FOXP1: variants seen among roughly 807,000 people sequenced by gnomAD.
FOXP1 encodes the protein forkhead box P1.
A neutral mutation model predicts 98.2 loss-of-function variants in FOXP1; 15 were observed. The ratio of observed to expected loss-of-function variants is 0.15; its 90% confidence interval spans 0.10 to 0.24. The LOEUF is 0.24. FOXP1 is among the 10% of genes least tolerant of loss of function. The pLI is 1.00. For missense variants in FOXP1, 633 were observed against 848.5 expected, an observed-to-expected ratio of 0.75 and a Z score of 3.15; for synonymous variants, 371 against 314.5, an observed-to-expected ratio of 1.18 and a Z score of -1.90.
intron 12 of FOXP1, among the ~76,000 whole-genome samples, chr3:71,011,240 TC>T (rs2043562212): frequency 1.3e-5 from 2 of 152,096 alleles, no homozygotes; most frequent in South Asian, 4.1e-4. Context: ...AACTTTCTCA[TC>T]CCCAGCCCCC....
At chr3:71,279,531 C>CAAAA (rs2071288906) in intron 5 of FOXP1, among the ~76,000 whole-genome samples, 1 of 152,142 alleles carries the variant, frequency 6.6e-6, no homozygotes, top group Non-Finnish European at 1.5e-5. Context: ...CAAGAAAAAA[C>CAAAA]TAGTCAGCCC....
chr3:71,490,987 A>T (rs748438125), intron 3 of FOXP1, among the ~76,000 whole-genome samples: 8 of 152,028 alleles, frequency 5.3e-5, no homozygotes, highest in Non-Finnish European at 1.0e-4. Flanking sequence ...TCTCAACTCT[A>T]CCTGAATTCC....
chr3:71,558,802 C>CTT (rs35405702), intron 2 of FOXP1, among the ~76,000 whole-genome samples: 6,871 of 117,426 alleles, frequency 0.059, 349 homozygotes, highest in Middle Eastern at 0.097. Context: ...CCGATTCTCA[C>CTT]TTTTTTTTTT....
intron 11 of FOXP1, among the ~76,000 whole-genome samples, chr3:71,017,004 G>C (rs571231424): frequency 6.1e-5 from 9 of 147,604 alleles, no homozygotes; most frequent in East Asian, 3.9e-4. Context: ...ATAGGTCTTA[G>C]AATAAAAAAA....
intron 3 of FOXP1, among the ~76,000 whole-genome samples, chr3:71,438,454 C>T (rs1018759364): frequency 1.4e-4 from 21 of 152,158 alleles, no homozygotes; most frequent in African/African-American, 4.6e-4. Flanking sequence ...ATTATCTCGG[C>T]TGACTCTCCA....
chr3:70,959,230 T>A lies in FOXP1; in HGVS notation c.*17A>T, dbSNP rs2106853190. On this transcript the variant is annotated 3_prime_UTR_variant, in exon 21 of 21. Transcript: ENST00000649528. ...CTTTTTCCAATCTTCATTCTCGGGG[T>A]TGGCCCGCCCCGATAGTCACTCCAT... is the stretch of plus-strand genomic sequence containing the variant. 1 of 1,611,186 alleles carries A rather than the reference T, an allele frequency of 6.2e-7. No individual in the cohort carries two copies. The highest frequency in any genetic ancestry group is 8.5e-7 in the Non-Finnish European group (1 of 1,178,326).
At position 70,955,717 on chromosome 3, in the gene FOXP1, A is replaced by AT. The variant is rs923809339; in HGVS notation, c.*3529dup. 50 of 231,506 alleles carry AT rather than the reference A, an allele frequency of 2.2e-4. No homozygotes were observed. Among genetic ancestry groups the AT allele is most frequent in the Admixed American group, 3.4e-4 (6 of 17,630 alleles). 14.3% of individuals were successfully genotyped at this position (231,506 alleles called of 1,614,324 possible). A position where few individuals can be genotyped will look rare whatever the true frequency, so the allele number is the denominator to read the frequency against. On this transcript the variant is annotated 3_prime_UTR_variant, in exon 21 of 21. Coordinates refer to ENST00000649528, the MANE Select transcript of FOXP1 (RefSeq NM_001349338.3). Reference sequence around the variant, plus strand: ...CAGGAGAAAACATTTTTTAAACAACATTTTTTTTTCTTTTCAAATGTATGA... The same window carrying AT: ...CAGGAGAAAACATTTTTTAAACAACATTTTTTTTTTCTTTTCAAATGTATGA...
chr3:71,434,706 G>A (rs2085069490), intron 3 of FOXP1, among the ~76,000 whole-genome samples: 1 of 149,568 alleles, frequency 6.7e-6, no homozygotes, highest in South Asian at 2.1e-4. Context: ...AGACTTAAAT[G>A]GTGTAGAGTA....
chr3:71,066,341 A>G (rs2107357522), intron 7 of FOXP1, among the ~76,000 whole-genome samples: 1 of 152,334 alleles, frequency 6.6e-6, no homozygotes, highest in Non-Finnish European at 1.5e-5. Context: ...CAGATGTTAA[A>G]TGGGCACAGC....
At chr3:71,187,334 C>T (rs2062708368) in intron 6 of FOXP1, among the ~76,000 whole-genome samples, 1 of 152,108 alleles carries the variant, frequency 6.6e-6, no homozygotes, top group Non-Finnish European at 1.5e-5. Context: ...ACCTATAATC[C>T]CAGCACTTTG....
chr3:71,574,677 A>T (rs1027474759), intron 2 of FOXP1, among the ~76,000 whole-genome samples: 1 of 152,204 alleles, frequency 6.6e-6, no homozygotes, highest in African/African-American at 2.4e-5. Context: ...TTAAGATGGA[A>T]TACTCAGAAA....
intron 4 of FOXP1, among the ~76,000 whole-genome samples, chr3:71,331,342 C>A (rs2076285682): frequency 6.6e-6 from 1 of 152,182 alleles, no homozygotes; most frequent in Non-Finnish European, 1.5e-5. Context: ...GGGCTTAGGA[C>A]CTGCAGCCTT....
intron 6 of FOXP1, among the ~76,000 whole-genome samples, chr3:71,142,258 A>T (rs1169591358): frequency 6.6e-6 from 1 of 152,190 alleles, no homozygotes; most frequent in East Asian, 1.9e-4. Flanking sequence ...TTGTAATGTC[A>T]TGTGGTTGGC....
intron 13 of FOXP1, among the ~76,000 whole-genome samples, chr3:70,990,854 A>G (rs1316721124): frequency 2.0e-5 from 3 of 152,200 alleles, no homozygotes; most frequent in Middle Eastern, 3.2e-3. Context: ...GGACACAACA[A>G]TCACACTGTG....
At chr3:70,983,505 T>C (rs1010593262) in intron 14 of FOXP1, among the ~76,000 whole-genome samples, 54 of 152,246 alleles carry the variant, frequency 3.5e-4, no homozygotes, top group African/African-American at 1.1e-3. Context: ...CTAATGGCTA[T>C]GGTTAGAGGA....
rs1415591226 is a variant in FOXP1 at position 70,958,400 on chromosome 3, C to CT, written c.*846dup. ...ATGTGTAGAGTGCAGCATTTGGGACCTTTTTGAAAAAGACCAAAACGGAAT... is the reference window on the plus strand; with the variant it reads ...ATGTGTAGAGTGCAGCATTTGGGACCTTTTTTGAAAAAGACCAAAACGGAAT... On this transcript the variant is annotated 3_prime_UTR_variant, in exon 21 of 21. Coordinates refer to ENST00000649528, the MANE Select transcript of FOXP1 (RefSeq NM_001349338.3). 1 of 491,514 alleles carries CT rather than the reference C, an allele frequency of 2.0e-6. No individual in the cohort carries two copies. The highest frequency in any genetic ancestry group is 3.9e-6 in the Non-Finnish European group (1 of 255,094). 30.4% of individuals were successfully genotyped at this position (491,514 alleles called of 1,614,324 possible).
chr3:71,085,175 C>T (rs80190719), intron 7 of FOXP1, among the ~76,000 whole-genome samples: 29,134 of 152,104 alleles, frequency 0.19, 3,764 homozygotes, highest in East Asian at 0.54. Context: ...CGAGGTCTCA[C>T]TCTGTCCCCC....
chr3:71,415,345 T>A (rs2083126806), intron 3 of FOXP1, among the ~76,000 whole-genome samples: 1 of 152,200 alleles, frequency 6.6e-6, no homozygotes, highest in Non-Finnish European at 1.5e-5. Context: ...ATCTATAAAT[T>A]GTGATTATAA....
At chr3:71,056,954 C>T (rs1342163825) in intron 7 of FOXP1, among the ~76,000 whole-genome samples, 1 of 152,188 alleles carries the variant, frequency 6.6e-6, no homozygotes, top group African/African-American at 2.4e-5. Flanking sequence ...AATCAAAGGG[C>T]ATGCAGTACC....
Sources: allele counts gnomAD v4.1 joint callset (sites outside exome capture counted in the v4.1 genomes callset), GRCh38; gene constraint gnomAD v4.1.1; transcripts MANE v1.5; gene names NCBI Gene and HGNC (gene_info 2026-07-23, HGNC 2026-07-21).